CDHR3: variants seen among roughly 807,000 people sequenced by gnomAD.
CDHR3 encodes cadherin related family member 3, also known as cadherin-related family member 3.
CDHR3 carries 79 observed loss-of-function variants against 86.6 expected under a neutral mutation model. That is an observed-to-expected ratio of 0.91 (90% CI 0.76 to 1.10). The LOEUF is 1.10. Ranked by LOEUF, CDHR3 falls within the 50% of genes least tolerant of loss-of-function variation. The pLI is 0.00. For missense variants in CDHR3, 1,081 were observed against 1,077.6 expected (o/e 1.00, Z -0.04); for synonymous variants, 421 against 402.4 (o/e 1.05, Z -0.55).
intron 4 of CDHR3, among the ~76,000 whole-genome samples, chr7:105,986,652 A>C (rs1167766712): frequency 6.6e-6 from 1 of 152,062 alleles, no homozygotes; most frequent in Non-Finnish European, 1.5e-5. Flanking sequence ...TAGAATCGTA[A>C]CTGGACAAAA....
intron 11 of CDHR3, among the ~76,000 whole-genome samples, chr7:106,016,455 A>G (rs1227727534): frequency 1.3e-5 from 2 of 152,044 alleles, no homozygotes; most frequent in African/African-American, 4.8e-5. Context: ...TCTCTCCCCT[A>G]CTAAGATTCC....
Position 106,032,786 on chromosome 7 carries a change from A to G in CDHR3, c.*89A>G. ...TGGTGTGGGCATGGTGTAGGGGGGA[A>G]AATGTGGGCTGAGGGGATTCAGACA... On this transcript the variant is annotated 3_prime_UTR_variant, in exon 19 of 19. Transcript: ENST00000317716. 1 of 1,364,492 alleles carries G rather than the reference A, an allele frequency of 7.3e-7. No homozygotes were observed. Among genetic ancestry groups the G allele is most frequent in the South Asian group, 1.5e-5 (1 of 66,998 alleles). 84.5% of individuals were successfully genotyped at this position (1,364,492 alleles called of 1,614,324 possible).
intron 12 of CDHR3, 138 bp downstream of exon 12, chr7:106,018,210 G>A: frequency 3.0e-6 from 2 of 664,766 alleles, no homozygotes; most frequent in Non-Finnish European, 5.1e-6. Flanking sequence ...AACAAGTAAA[G>A]GTGCCCTGGG....
chr7:105,986,291 C>T (rs1830512885), intron 4 of CDHR3, among the ~76,000 whole-genome samples: 1 of 152,168 alleles, frequency 6.6e-6, no homozygotes. Context: ...AGTATAGCAC[C>T]TCACTTACAT....
At chr7:106,021,343 C>CG (rs1836536396) in intron 13 of CDHR3, among the ~76,000 whole-genome samples, 1 of 152,176 alleles carries the variant, frequency 6.6e-6, no homozygotes, top group Admixed American at 6.5e-5. Flanking sequence ...GGAAGCCTCT[C>CG]GAGCTGGCTG....
At chr7:105,990,846 T>C (rs1831249603) in intron 4 of CDHR3, among the ~76,000 whole-genome samples, 1 of 152,120 alleles carries the variant, frequency 6.6e-6, no homozygotes. Flanking sequence ...GGAGCTGACA[T>C]TTCTGGAAAC....
intron 2 of CDHR3, among the ~76,000 whole-genome samples, chr7:105,976,807 ATT>A (rs1828884139): frequency 6.6e-6 from 1 of 152,158 alleles, no homozygotes; most frequent in African/African-American, 2.4e-5. Context: ...TTATGGCTGA[ATT>A]ATATTATGTT....
Position 106,016,003 on chromosome 7 carries a change from T to C in CDHR3, c.1404T>C (p.Phe468=). 1 of 1,611,730 alleles carries C rather than the reference T, an allele frequency of 6.2e-7. No individual in the cohort carries two copies. The highest frequency in any genetic ancestry group is 2.2e-5 in the East Asian group (1 of 44,872). ...PLIFDRPSYV[F]DVSERRPART... ...TTTTTGATAGGCCATCCTATGTATT[T>C]GATGTGTCAGAAAGAAGGCCCGGTA... The change falls in exon 11 of 19, where the codon TTT becomes TTC. Residue 468 remains phenylalanine (F), a synonymous_variant. Transcript: ENST00000317716.
chr7:105,978,349 C>G (rs879855273), intron 2 of CDHR3, among the ~76,000 whole-genome samples: 1 of 152,220 alleles, frequency 6.6e-6, no homozygotes, highest in Admixed American at 6.5e-5. Flanking sequence ...AGGCCAGCAC[C>G]TGCCCCTCTT....
At chr7:106,003,152 A>C (rs966270112) in intron 7 of CDHR3, among the ~76,000 whole-genome samples, 1 of 151,214 alleles carries the variant, frequency 6.6e-6, no homozygotes, top group Non-Finnish European at 1.5e-5. Flanking sequence ...AAAAAAAAAA[A>C]GTGATTCATG....
chr7:105,997,545 C>A (rs906178742), intron 6 of CDHR3, among the ~76,000 whole-genome samples: 7 of 152,164 alleles, frequency 4.6e-5, no homozygotes, highest in African/African-American at 1.7e-4. Context: ...GTTATGACAT[C>A]CCAGCCCGGA....
intron 2 of CDHR3, 122 bp from the exon 3 acceptor site, chr7:105,980,846 A>G (rs999764099): frequency 1.1e-6 from 1 of 889,562 alleles, no homozygotes. Context: ...TCTGACAGTG[A>G]ATGAATGCTG....
At chr7:106,029,359 C>T (rs1482711171) in intron 17 of CDHR3, among the ~76,000 whole-genome samples, 1 of 152,166 alleles carries the variant, frequency 6.6e-6, no homozygotes, top group Non-Finnish European at 1.5e-5. Context: ...GGGGTTGGCT[C>T]TACCCACTTA....
chr7:106,006,831 C>G (rs1834005767), intron 8 of CDHR3, among the ~76,000 whole-genome samples: 1 of 152,228 alleles, frequency 6.6e-6, no homozygotes. Flanking sequence ...CTTCTCACAG[C>G]TCCACTAGGC....
chr7:105,971,375 A>G (rs748565083), intron 1 of CDHR3, among the ~76,000 whole-genome samples: 1 of 152,174 alleles, frequency 6.6e-6, no homozygotes, highest in African/African-American at 2.4e-5. Flanking sequence ...TTCACCATAC[A>G]TGGGACAGGC....
At position 106,015,327 on chromosome 7, in the gene CDHR3, C is replaced by T. The variant is rs1010540262; in HGVS notation, c.1327+114C>T. On this transcript the variant is annotated intron_variant, in intron 10 of 18. Transcript: ENST00000317716. ...TCCCCCTTCTCACTAGTACTGCCCTCATGCGGGGACCCCCTCTTTCTCGGC... is the reference window on the plus strand; with the variant it reads ...TCCCCCTTCTCACTAGTACTGCCCTTATGCGGGGACCCCCTCTTTCTCGGC... 6.0e-6 allele frequency: 5 copies of T among 827,396 alleles called. 1 individual carries two copies. The South Asian group carries it at 7.5e-5, about 12-fold the overall frequency. The allele number at this position is 827,396 out of a possible 1,614,324, so 51.3% of individuals were successfully genotyped here. A position where few individuals can be genotyped will look rare whatever the true frequency, so the allele number is the denominator to read the frequency against.
chr7:105,991,681 T>C (rs1831383962), intron 4 of CDHR3, among the ~76,000 whole-genome samples: 1 of 152,212 alleles, frequency 6.6e-6, no homozygotes, highest in Non-Finnish European at 1.5e-5. Flanking sequence ...ATGTTGGTCT[T>C]ACTAAGATGG....
intron 1 of CDHR3, among the ~76,000 whole-genome samples, chr7:105,964,716 C>T (rs745834458): frequency 5.9e-5 from 9 of 152,080 alleles, no homozygotes; most frequent in East Asian, 1.9e-4. Flanking sequence ...TTAAATCAAA[C>T]GCTTTTTCAA....
At chr7:105,968,434 T>C (rs910933103) in intron 1 of CDHR3, among the ~76,000 whole-genome samples, 59 of 152,224 alleles carry the variant, frequency 3.9e-4, no homozygotes, top group African/African-American at 1.4e-3. Context: ...TGATCTGGGC[T>C]CACTACAACC....
Sources: allele counts gnomAD v4.1 joint callset (sites outside exome capture counted in the v4.1 genomes callset), GRCh38; gene constraint gnomAD v4.1.1; transcripts MANE v1.5; gene names NCBI Gene and HGNC (gene_info 2026-07-23, HGNC 2026-07-21).